STK32B: variants seen among roughly 807,000 people sequenced by gnomAD.
STK32B encodes the protein serine/threonine kinase 32B.
A neutral mutation model predicts 52.6 loss-of-function variants in STK32B; 43 were observed. That is an observed-to-expected ratio of 0.82 (90% CI 0.64 to 1.05). The LOEUF is 1.05. STK32B is among the 50% of genes least tolerant of loss of function. STK32B has a pLI of 0.00. For missense variants in STK32B, 621 were observed against 534.6 expected (o/e 1.16, Z -1.59); for synonymous variants, 238 against 204.3 (o/e 1.17, Z -1.41).
In STK32B at chr4:5,310,098, G is replaced by A. The variant is rs919277992; in HGVS notation, c.261-21122G>A. On this transcript the variant is annotated intron_variant, in intron 3 of 11. Coordinates refer to ENST00000282908, the MANE Select transcript of STK32B (RefSeq NM_018401.3). ...GGAGAATCGCTTGAACCCAGGAGGC[G>A]GAGACTGCAGTGAGCCCAGATCACG... 4.6e-5 allele frequency among the ~76,000 whole-genome samples: 7 copies of A among 152,008 alleles called. No homozygotes were observed. In the East Asian group the frequency reaches 5.8e-4, roughly 13 times the overall value.
intron 3 of STK32B, among the ~76,000 whole-genome samples, chr4:5,192,633 C>T (rs985614475): frequency 2.6e-5 from 4 of 152,182 alleles, no homozygotes; most frequent in Non-Finnish European, 4.4e-5. Flanking sequence ...TGGCATCCAA[C>T]GTGATGTTTT....
chr4:5,053,294 G>A (rs910657708), intron 1 of STK32B, among the ~76,000 whole-genome samples: 1 of 152,168 alleles, frequency 6.6e-6, no homozygotes, highest in African/African-American at 2.4e-5. Flanking sequence ...AGCTTTTCCT[G>A]ATCTTTAGTC....
intron 11 of STK32B, among the ~76,000 whole-genome samples, chr4:5,475,560 G>A (rs1241719671): frequency 5.3e-5 from 8 of 150,562 alleles, no homozygotes; most frequent in African/African-American, 1.5e-4. Context: ...TTAGGCAAGC[G>A]TGGTGGTGCA....
intron 1 of STK32B, among the ~76,000 whole-genome samples, chr4:5,136,669 C>G (rs139236401): frequency 1.2e-3 from 186 of 152,340 alleles, no homozygotes; most frequent in Middle Eastern, 3.4e-3. Context: ...TCTTCCTACT[C>G]TGAGCAAACA....
intron 3 of STK32B, among the ~76,000 whole-genome samples, chr4:5,188,014 C>T (rs571949917): frequency 3.3e-4 from 50 of 151,992 alleles, no homozygotes; most frequent in African/African-American, 1.1e-3. Flanking sequence ...TCGTGTAGGG[C>T]GCGCCTACAG....
At chr4:5,360,520 GGTT>G (rs1329021915) in intron 4 of STK32B, among the ~76,000 whole-genome samples, 3 of 152,184 alleles carry the variant, frequency 2.0e-5, no homozygotes, top group Non-Finnish European at 4.4e-5. Context: ...GTGAGGGGCT[GGTT>G]GTTGTCTGAT....
intron 3 of STK32B, among the ~76,000 whole-genome samples, chr4:5,233,305 C>T (rs1163772430): frequency 6.6e-6 from 1 of 152,046 alleles, no homozygotes; most frequent in Non-Finnish European, 1.5e-5. Context: ...TGTCATTTAC[C>T]AATATCATGG....
At chr4:5,270,855 T>A (rs1343472768) in intron 3 of STK32B, among the ~76,000 whole-genome samples, 1 of 152,222 alleles carries the variant, frequency 6.6e-6, no homozygotes, top group Non-Finnish European at 1.5e-5. Context: ...TTATCAGGGT[T>A]GCAGACAAGA....
chr4:5,040,825 C>A, the STK32B span, among the ~76,000 whole-genome samples: 1 of 152,314 alleles, frequency 6.6e-6, no homozygotes, highest in South Asian at 2.1e-4. Context: ...GTACAGTTGA[C>A]TACATGCCCA....
rs190100643 is a variant in STK32B at position 5,230,711 on chromosome 4, G to A, written c.260+62261G>A. 5.9e-5 allele frequency among the ~76,000 whole-genome samples: 9 copies of A among 152,278 alleles called. No individual in the cohort carries two copies. The East Asian group carries it at 7.7e-4, about 13-fold the overall frequency. On this transcript the variant is annotated intron_variant, in intron 3 of 11. Coordinates refer to ENST00000282908, the MANE Select transcript of STK32B (RefSeq NM_018401.3). ...GCTGGAGATGTGGTGTTGAAGCAGC[G>A]CCTGTGTGCATGTACATGTGGAAAA...
intron 3 of STK32B, among the ~76,000 whole-genome samples, chr4:5,320,212 G>A (rs1176068076): frequency 6.6e-6 from 1 of 152,094 alleles, no homozygotes; most frequent in Non-Finnish European, 1.5e-5. Context: ...CTTGAGTAGA[G>A]CGGCCACATC....
chr4:5,148,832 A>G (rs893836466), intron 2 of STK32B, among the ~76,000 whole-genome samples: 24 of 151,946 alleles, frequency 1.6e-4, no homozygotes, highest in Non-Finnish European at 3.5e-4. Flanking sequence ...AAAATATCCA[A>G]CTATGATTGT....
At chr4:5,066,597 C>T (rs557342888) in intron 1 of STK32B, among the ~76,000 whole-genome samples, 2 of 152,294 alleles carry the variant, frequency 1.3e-5, no homozygotes, top group African/African-American at 4.8e-5. Context: ...GCTGTGTTCC[C>T]CTTCACTGAA....
At chr4:5,442,332 T>G (rs1714864784) in intron 6 of STK32B, among the ~76,000 whole-genome samples, 1 of 152,204 alleles carries the variant, frequency 6.6e-6, no homozygotes, top group Non-Finnish European at 1.5e-5. Flanking sequence ...CTCTTCTTGT[T>G]GAATTGATCC....
rs75585089 is a variant in STK32B, at chr4:5,064,174, C to T, written c.52+12259C>T. 1.4e-3 allele frequency among the ~76,000 whole-genome samples: 203 copies of T among 149,930 alleles called. 1 individual carries two copies. In the East Asian group the frequency reaches 0.023, roughly 17 times the overall value. ...ATTTAGTCATACTTATTAAGCTTTC[C>T]TTGTGGTTTCCTTGTGGTTTATATT... On this transcript the variant is annotated intron_variant, in intron 1 of 11. Transcript: ENST00000282908.
the STK32B span, among the ~76,000 whole-genome samples, chr4:5,039,576 T>G: frequency 9.8e-3 from 1,498 of 152,262 alleles, 11 homozygotes; most frequent in Non-Finnish European, 0.016. Flanking sequence ...TCTGCATAAA[T>G]AGGAGGCACA....
Position 5,331,091 on chromosome 4 carries a change from A to T in STK32B, c.261-129A>T, listed in dbSNP as rs1028191062. On this transcript the variant is annotated intron_variant, in intron 3 of 11. Coordinates refer to ENST00000282908, the MANE Select transcript of STK32B (RefSeq NM_018401.3). ...TCCCCTTCCCCTCCACTCCCATAGCACCATGACTCAGGCAACTCAGTGCCT... is the reference window on the plus strand; with the variant it reads ...TCCCCTTCCCCTCCACTCCCATAGCTCCATGACTCAGGCAACTCAGTGCCT... 17 of 826,538 alleles carry T rather than the reference A, an allele frequency of 2.1e-5. No individual in the cohort carries two copies. In the African/African-American group the frequency reaches 2.6e-4, roughly 13 times the overall value. 51.2% of individuals were successfully genotyped at this position (826,538 alleles called of 1,614,324 possible).
chr4:5,032,301 C>G, the STK32B span, among the ~76,000 whole-genome samples: 1 of 151,476 alleles, frequency 6.6e-6, no homozygotes, highest in African/African-American at 2.4e-5. Flanking sequence ...TGGTGAAACC[C>G]CGTCTCTACT....
chr4:5,165,583 G>A (rs1718806876), intron 2 of STK32B, among the ~76,000 whole-genome samples: 1 of 152,146 alleles, frequency 6.6e-6, no homozygotes, highest in Non-Finnish European at 1.5e-5. Flanking sequence ...TTCTGAGAAG[G>A]CGAATGAGAA....
Sources: allele counts gnomAD v4.1 joint callset (sites outside exome capture counted in the v4.1 genomes callset), GRCh38; gene constraint gnomAD v4.1.1; transcripts MANE v1.5; gene names NCBI Gene and HGNC (gene_info 2026-07-23, HGNC 2026-07-21).